Variants in SPECC1 observed in about 807,000 individuals in gnomAD.
The protein encoded by SPECC1 is cytospin-B.
Under a neutral mutation model 104.1 loss-of-function variants are expected in SPECC1, and 62 were observed. That is an observed-to-expected ratio of 0.60 (90% confidence interval 0.49 to 0.74). The LOEUF (loss-of-function observed/expected upper bound fraction) is 0.74, where lower values mean the gene tolerates loss of function less well. SPECC1 is among the 30% of genes least tolerant of loss of function. The probability of loss-of-function intolerance (pLI) is 0.00; values close to 1 mark genes in which losing one functional copy is unlikely to be tolerated. For synonymous variants in SPECC1, 513 were observed against 501.6 expected (o/e 1.02, Z -0.30); for missense variants, 1,306 against 1,310.5 (o/e 1.00, Z 0.05).
chr17:20,227,344 T>A (rs2038281425), intron 4 of SPECC1, 69 bp from the exon 5 acceptor site: 1 of 1,372,054 alleles, frequency 7.3e-7, no homozygotes, highest in East Asian at 2.5e-5. Context: ...GGCTTGGCCT[T>A]CTAGTGTACA....
chr17:20,108,865 C>T (rs999955092), intron 2 of SPECC1, among the ~76,000 whole-genome samples: 2 of 152,196 alleles, frequency 1.3e-5, no homozygotes, highest in African/African-American at 4.8e-5. Flanking sequence ...TTAGGAGTCT[C>T]CCTTCTTCGA....
intron 9 of SPECC1, among the ~76,000 whole-genome samples, chr17:20,248,156 C>T (rs2039493616): frequency 6.6e-6 from 1 of 152,208 alleles, no homozygotes; most frequent in South Asian, 2.1e-4. Context: ...AACCTCTGCT[C>T]CCCTGCCACA....
chr17:20,070,159 T>C (rs2046497223), intron 1 of SPECC1, among the ~76,000 whole-genome samples: 1 of 152,146 alleles, frequency 6.6e-6, no homozygotes, highest in Non-Finnish European at 1.5e-5. Flanking sequence ...TGACAAGAAG[T>C]GGTGAGAGCA....
chr17:20,165,874 C>T (rs2033605203), intron 3 of SPECC1, among the ~76,000 whole-genome samples: 1 of 151,946 alleles, frequency 6.6e-6, no homozygotes, highest in African/African-American at 2.4e-5. Context: ...ATGTCCTTTG[C>T]CCACTTTTTA....
rs775598737 is a variant in SPECC1 at position 20,316,453 on chromosome 17, G to C, written c.*2388G>C. On this transcript the variant is annotated 3_prime_UTR_variant, in exon 15 of 15. Transcript: ENST00000395527. Reference sequence around the variant, plus strand: ...ACCGTCTCAGCTCACTGCAACCTCCGCCGCCCGTGTTTAAGCGATTCTCCT... The same window carrying C: ...ACCGTCTCAGCTCACTGCAACCTCCCCCGCCCGTGTTTAAGCGATTCTCCT... 2.6e-5 allele frequency: 5 copies of C among 194,762 alleles called. No individual in the cohort carries two copies. Among genetic ancestry groups the C allele is most frequent in the Non-Finnish European group, 4.3e-5 (4 of 93,770 alleles). The allele number at this position is 194,762 out of a possible 1,614,324, so 12.1% of individuals were successfully genotyped here. A position where few individuals can be genotyped will look rare whatever the true frequency, so the allele number is the denominator to read the frequency against.
At chr17:20,203,405 G>A (rs1015927810) in intron 3 of SPECC1, among the ~76,000 whole-genome samples, 4 of 152,084 alleles carry the variant, frequency 2.6e-5, no homozygotes, top group Non-Finnish European at 4.4e-5. Context: ...TACATTGTCT[G>A]TGATATAGTA....
At chr17:20,039,641 G>A (rs1397474220) in intron 1 of SPECC1, among the ~76,000 whole-genome samples, 1 of 152,020 alleles carries the variant, frequency 6.6e-6, no homozygotes, top group African/African-American at 2.4e-5. Flanking sequence ...TGCTACCTCT[G>A]CTGCCCGGGT....
At chr17:20,146,298 T>C (rs1198516399) in intron 3 of SPECC1, among the ~76,000 whole-genome samples, 2 of 152,232 alleles carry the variant, frequency 1.3e-5, no homozygotes, top group African/African-American at 4.8e-5. Context: ...AATGATGTAG[T>C]GTAGCTGAAA....
chr17:20,088,189 G>A (rs890662271), intron 1 of SPECC1, among the ~76,000 whole-genome samples: 1 of 152,178 alleles, frequency 6.6e-6, no homozygotes, highest in Non-Finnish European at 1.5e-5. Context: ...CCACTGGGGG[G>A]TTCTGTGTAG....
intron 12 of SPECC1, among the ~76,000 whole-genome samples, chr17:20,278,480 C>T (rs916038932): frequency 2.6e-5 from 4 of 152,174 alleles, no homozygotes; most frequent in African/African-American, 9.7e-5. Context: ...CTCTTCTGAC[C>T]TGCCAAATTC....
At chr17:20,201,196 C>CA (rs1484179742) in intron 3 of SPECC1, among the ~76,000 whole-genome samples, 1 of 151,792 alleles carries the variant, frequency 6.6e-6, no homozygotes. Context: ...CACGGTGGCT[C>CA]ACGCCTGTCA....
intron 3 of SPECC1, among the ~76,000 whole-genome samples, chr17:20,161,086 C>T (rs1188841962): frequency 6.6e-6 from 1 of 152,256 alleles, no homozygotes; most frequent in Admixed American, 6.5e-5. Context: ...TGGTGGGCAC[C>T]TGTAATCCGA....
chr17:20,136,694 G>A (rs1000949699), intron 3 of SPECC1, among the ~76,000 whole-genome samples: 1 of 152,128 alleles, frequency 6.6e-6, no homozygotes, highest in Non-Finnish European at 1.5e-5. Context: ...AAATAGTAAC[G>A]TAAATGGACA....
At chr17:20,289,632 G>A (rs571114956) in intron 12 of SPECC1, among the ~76,000 whole-genome samples, 1 of 152,314 alleles carries the variant, frequency 6.6e-6, no homozygotes, top group Non-Finnish European at 1.5e-5. Flanking sequence ...TATACTGTTG[G>A]TGGGAATGTA....
Position 20,122,712 on chromosome 17 carries a change from T to A in SPECC1, c.283+12150T>A, listed in dbSNP as rs117429817. ...GAATCTGACTGCTCTCAGTTCCTCA[T>A]AGGAGTGGCATCACACAGTGTTTGT... On this transcript the variant is annotated intron_variant, in intron 3 of 14. Transcript: ENST00000395527. Among the ~76,000 whole-genome samples the A allele has an allele frequency of 3.0e-4, 46 of 152,082 alleles. No individual in the cohort carries two copies. The East Asian group carries it at 8.9e-3, about 29-fold the overall frequency.
chr17:20,022,600 ATCCAGATTCCTAG>A (rs2044437639), intron 1 of SPECC1, among the ~76,000 whole-genome samples: 1 of 152,232 alleles, frequency 6.6e-6, no homozygotes, highest in African/African-American at 2.4e-5. Context: ...TCACATAAAA[ATCCAGATTCCTAG>A]TCTCTCTTGA....
At chr17:20,107,462 CTTT>C (rs201566147) in intron 2 of SPECC1, among the ~76,000 whole-genome samples, 1 of 132,106 alleles carries the variant, frequency 7.6e-6, no homozygotes. Flanking sequence ...TTTCTTTTTT[CTTT>C]TTTTTTTTTT....
At position 20,081,728 on chromosome 17, in the gene SPECC1, G is replaced by A. The variant is rs565867104; in HGVS notation, c.-21-14903G>A. Among the ~76,000 whole-genome samples the A allele has an allele frequency of 5.3e-5, 8 of 152,180 alleles. No homozygotes were observed. The East Asian group carries it at 1.5e-3, about 29-fold the overall frequency. ...AGCCCACGGGTGCAGCGTTCTGGGCGTCAGGATCCCGTGATGTGTTTGTTG... is the reference window on the plus strand; with the variant it reads ...AGCCCACGGGTGCAGCGTTCTGGGCATCAGGATCCCGTGATGTGTTTGTTG... On this transcript the variant is annotated intron_variant, in intron 1 of 14. Coordinates refer to ENST00000395527, the MANE Select transcript of SPECC1 (RefSeq NM_001243439.2).
intron 3 of SPECC1, among the ~76,000 whole-genome samples, chr17:20,183,396 G>A (rs1401716918): frequency 6.6e-6 from 1 of 152,158 alleles, no homozygotes; most frequent in Non-Finnish European, 1.5e-5. Context: ...ACTTAACGTT[G>A]CAAATGTAGG....
Sources: allele counts gnomAD v4.1 joint callset (sites outside exome capture counted in the v4.1 genomes callset), GRCh38; gene constraint gnomAD v4.1.1; transcripts MANE v1.5; gene names NCBI Gene and HGNC (gene_info 2026-07-23, HGNC 2026-07-21).